The following HDLBP variants were observed in gnomAD, a reference collection of about 807,000 sequenced individuals.
HDLBP encodes high density lipoprotein binding protein, also known as vigilin.
In HDLBP, 30 loss-of-function variants were observed where a neutral mutation model predicts 137.3. The ratio of observed to expected loss-of-function variants is 0.22; its 90% CI spans 0.16 to 0.30. The LOEUF is 0.30. HDLBP is among the 10% of genes least tolerant of loss of function. The probability of loss-of-function intolerance (pLI) is 1.00; values close to 1 mark genes in which losing one functional copy is unlikely to be tolerated. For missense variants in HDLBP, 1,119 were observed against 1,667.3 expected (o/e 0.67, Z 5.73); for synonymous variants, 606 against 596.0 (o/e 1.02, Z -0.24).
At chr2:241,312,226 C>G (rs1168036271) in intron 1 of HDLBP, among the ~76,000 whole-genome samples, 2 of 152,186 alleles carry the variant, frequency 1.3e-5, no homozygotes, top group African/African-American at 4.8e-5. Context: ...AAATTAACAA[C>G]AAGTATCAAC....
chr2:241,228,983 C>T lies in HDLBP; in HGVS notation c.*618G>A, dbSNP rs769330159. On this transcript the variant is annotated 3_prime_UTR_variant, in exon 28 of 28. Transcript: ENST00000310931. Reference sequence around the variant, plus strand: ...GGACCCTTGGTGCTTTCAGACCCCACGGCAGGTAAAATCAGGACTGCCTGA... The same window carrying T: ...GGACCCTTGGTGCTTTCAGACCCCATGGCAGGTAAAATCAGGACTGCCTGA... The T allele has an allele frequency of 6.5e-5, 10 of 153,522 alleles. No individual in the cohort carries two copies. Among genetic ancestry groups the T allele is most frequent in the Non-Finnish European group, 8.7e-5 (6 of 68,930 alleles). 9.5% of individuals were successfully genotyped at this position (153,522 alleles called of 1,614,324 possible).
intron 1 of HDLBP, among the ~76,000 whole-genome samples, chr2:241,298,372 T>A (rs1377956487): frequency 6.6e-6 from 1 of 150,860 alleles, no homozygotes; most frequent in African/African-American, 2.4e-5. Context: ...TCTGAAAAAA[T>A]AATAATAATG....
intron 1 of HDLBP, among the ~76,000 whole-genome samples, chr2:241,291,918 C>T (rs958702057): frequency 6.6e-6 from 1 of 152,166 alleles, no homozygotes; most frequent in African/African-American, 2.4e-5. Flanking sequence ...CCAGAGCTGC[C>T]TGATGGCACC....
chr2:241,296,620 T>A (rs1489960109), intron 1 of HDLBP, among the ~76,000 whole-genome samples: 1 of 152,088 alleles, frequency 6.6e-6, no homozygotes, highest in Non-Finnish European at 1.5e-5. Flanking sequence ...CACAGAAAAT[T>A]AACATAAAAT....
chr2:241,265,614 C>A lies in HDLBP; in HGVS notation c.77-1009G>T, dbSNP rs557693008. On this transcript the variant is annotated intron_variant, in intron 3 of 27. Coordinates refer to ENST00000310931, the MANE Select transcript of HDLBP (RefSeq NM_005336.6). Reference sequence around the variant, plus strand: ...TCAAGGGTGTGACTGTTTTGGATAACCCAAATCCCCAGGACTGAGCATGGC... The same window carrying A: ...TCAAGGGTGTGACTGTTTTGGATAAACCAAATCCCCAGGACTGAGCATGGC... Among the ~76,000 whole-genome samples the A allele has an allele frequency of 2.6e-5, 4 of 152,288 alleles. No homozygotes were observed. In the South Asian group the frequency reaches 8.3e-4, roughly 32 times the overall value.
intron 4 of HDLBP, among the ~76,000 whole-genome samples, chr2:241,263,127 G>A (rs2073335507): frequency 6.6e-6 from 1 of 152,226 alleles, no homozygotes; most frequent in African/African-American, 2.4e-5. Flanking sequence ...CCTAAGGAGA[G>A]AACCACATCA....
At chr2:241,279,450 A>G (rs1279311588) in intron 1 of HDLBP, among the ~76,000 whole-genome samples, 1 of 152,248 alleles carries the variant, frequency 6.6e-6, no homozygotes, top group African/African-American at 2.4e-5. Flanking sequence ...TATAACTCTG[A>G]AGAAAACAAC....
At chr2:241,303,515 C>G (rs2149701737) in intron 1 of HDLBP, among the ~76,000 whole-genome samples, 1 of 152,356 alleles carries the variant, frequency 6.6e-6, no homozygotes, top group South Asian at 2.1e-4. Flanking sequence ...GCCTCAAGGA[C>G]AGCAGCGCCC....
chr2:241,232,839 A>T (rs1282991247), intron 24 of HDLBP, among the ~76,000 whole-genome samples: 2 of 148,742 alleles, frequency 1.3e-5, no homozygotes, highest in African/African-American at 2.5e-5. Flanking sequence ...TAAACTCTCA[A>T]GATCAAGACT....
rs893765156 is a variant in HDLBP at position 241,268,505 on chromosome 2, C to T, written c.-66G>A. On this transcript the variant is annotated 5_prime_UTR_variant, in exon 2 of 28. Coordinates refer to ENST00000310931, the MANE Select transcript of HDLBP (RefSeq NM_005336.6). ...CAAAACGGTCAGTAGCCAGAAGGTC[C>T]GTCCTGAGGCCGCCTCTGTCAGCCT... The T allele has an allele frequency of 2.0e-6, 2 of 985,862 alleles. No homozygotes were observed. Among genetic ancestry groups the T allele is most frequent in the Non-Finnish European group, 2.4e-6 (2 of 829,938 alleles). The allele number at this position is 985,862 out of a possible 1,614,324, so 61.1% of individuals were successfully genotyped here. A position where few individuals can be genotyped will look rare whatever the true frequency, so the allele number is the denominator to read the frequency against.
intron 1 of HDLBP, among the ~76,000 whole-genome samples, chr2:241,301,602 C>T (rs1303330852): frequency 1.3e-5 from 2 of 152,064 alleles, no homozygotes; most frequent in Non-Finnish European, 2.9e-5. Context: ...CAAACTCCAA[C>T]ATAAAGAAGA....
intron 3 of HDLBP, chr2:241,266,581 A>T: frequency 1.9e-6 from 1 of 530,790 alleles, no homozygotes; most frequent in Non-Finnish European, 3.3e-6. Context: ...CCCACATGTT[A>T]AATCTCACTG....
chr2:241,239,062 G>A lies in HDLBP; in HGVS notation c.2611-275C>T, dbSNP rs2070916650. On this transcript the variant is annotated intron_variant, in intron 19 of 27. Transcript: ENST00000310931. This position sits in a 1 kb window ranked among gnomAD's most constrained non-coding sequence, Gnocchi z 4.6. ...AGCCAAAGGAGTGGGACCTCCTGGG[G>A]TAGCCTCTGACTCCATGAGGAGGCA... 6.6e-6 allele frequency among the ~76,000 whole-genome samples: 1 copy of A among 152,196 alleles called. No homozygotes were observed. The highest frequency in any genetic ancestry group is 6.5e-5 in the Admixed American group (1 of 15,284).
At chr2:241,232,686 C>T (rs2149332228) in intron 24 of HDLBP, among the ~76,000 whole-genome samples, 1 of 152,200 alleles carries the variant, frequency 6.6e-6, no homozygotes, top group South Asian at 2.1e-4. Context: ...CGGTGGCTCA[C>T]AGCTGTAGTC....
chr2:241,273,694 G>A (rs2074279621), intron 1 of HDLBP: 2 of 983,046 alleles, frequency 2.0e-6, no homozygotes, highest in Non-Finnish European at 2.4e-6. Context: ...GGTATCTGGG[G>A]ACAAGACCGT....
Position 241,240,936 on chromosome 2 carries a change from C to G in HDLBP, c.2170-814G>C, listed in dbSNP as rs2071151733. On this transcript the variant is annotated intron_variant, in intron 17 of 27. Transcript: ENST00000310931. The surrounding 1 kb of genome is among the most constrained non-coding windows in gnomAD (Gnocchi z 5.5). The stretch of plus-strand genomic sequence containing the variant: ...AGCAAAAATACCAAAGAAAAACATG[C>G]TAGCACAAAAATATTAAATAACAAC... 6.6e-6 allele frequency among the ~76,000 whole-genome samples: 1 copy of G among 152,158 alleles called. No homozygotes were observed. The highest frequency in any genetic ancestry group is 2.4e-5 in the African/African-American group (1 of 41,448).
chr2:241,258,243 A>G (rs534809794), intron 5 of HDLBP, among the ~76,000 whole-genome samples: 75 of 144,566 alleles, frequency 5.2e-4, no homozygotes, highest in African/African-American at 1.6e-3. Context: ...GCTACTCGGG[A>G]GGCTGAGGCA....
chr2:241,241,177 TAAC>T (rs2071175140), intron 17 of HDLBP, among the ~76,000 whole-genome samples: 3 of 151,738 alleles, frequency 2.0e-5, no homozygotes, highest in Non-Finnish European at 2.9e-5. Context: ...ATCAATCTAA[TAAC>T]AACAACAAAA....
chr2:241,313,990 A>C (rs979446860), intron 1 of HDLBP, among the ~76,000 whole-genome samples: 1 of 152,212 alleles, frequency 6.6e-6, no homozygotes, highest in Non-Finnish European at 1.5e-5. Context: ...CAGTAACAGG[A>C]AAGTTTAATC....
Sources: gnomAD v4.1 joint callset for allele counts (sites outside exome capture counted in the v4.1 genomes callset) on GRCh38, gnomAD v4.1.1 for gene constraint, Gnocchi (gnomAD v3.1) non-coding constraint, MANE v1.5 for transcripts, NCBI Gene and HGNC (gene_info 2026-07-23, HGNC 2026-07-21) for gene names.